The following SCN7A variants were observed in gnomAD, a reference collection of about 807,000 sequenced individuals.
SCN7A encodes sodium voltage-gated channel alpha subunit 7.
A neutral mutation model predicts 155.2 loss-of-function variants in SCN7A; 138 were observed. The ratio of observed to expected loss-of-function variants is 0.89; its 90% CI spans 0.77 to 1.02. The LOEUF (loss-of-function observed/expected upper bound fraction) is 1.02. Ranked by LOEUF, SCN7A falls within the 50% of genes least tolerant of loss-of-function variation. The pLI is 0.00. For synonymous variants in SCN7A, 693 were observed against 649.0 expected, an observed-to-expected ratio of 1.07 and a Z score of -1.03; for missense variants, 2,058 against 1,986.6, an observed-to-expected ratio of 1.04 and a Z score of -0.68.
At chr2:166,476,189 T>C (rs559684739) in intron 3 of SCN7A, among the ~76,000 whole-genome samples, 1 of 152,062 alleles carries the variant, frequency 6.6e-6, no homozygotes, top group South Asian at 2.1e-4. Flanking sequence ...CCCGAGATAC[T>C]GCAGTCATTT....
chr2:166,427,822 A>G lies in SCN7A; in HGVS notation c.2819T>C (p.Ile940Thr), dbSNP rs1388562805. The G allele has an allele frequency of 6.2e-7, 1 of 1,611,768 alleles. No homozygotes were observed. Among genetic ancestry groups the G allele is most frequent in the Non-Finnish European group, 8.5e-7 (1 of 1,178,828 alleles). The change falls in exon 18 of 26, where the codon ATT (isoleucine) becomes ACT (threonine). Residue 940 changes from isoleucine to threonine, a missense_variant. Physicochemically the swap from Ile to Thr is moderately conservative, Grantham distance 89. Transcript: ENST00000643258. ...IVENNWFKCF[I>T]GLVTLLSTGT... ...AGTGCTGAGCAGAGTAACAAGCCCA[A>G]TAAAACACTTAAACCAATTGTTCTC...
chr2:166,416,309 G>A (rs1701375332), intron 21 of SCN7A, among the ~76,000 whole-genome samples: 1 of 152,056 alleles, frequency 6.6e-6, no homozygotes, highest in Non-Finnish European at 1.5e-5. Flanking sequence ...TCTTTGTTCT[G>A]CTTTTTGCCC....
rs189638185 is a variant in SCN7A at position 166,476,824 on chromosome 2, A to C, written c.234+639T>G. On this transcript the variant is annotated intron_variant, in intron 3 of 25. Transcript: ENST00000643258. ...TACACATAGGTCTTCTCTTTCCCTTATTAAAACTTTGAAGTGCTCTTTAAG... is the reference window on the plus strand; with the variant it reads ...TACACATAGGTCTTCTCTTTCCCTTCTTAAAACTTTGAAGTGCTCTTTAAG... 2.0e-5 allele frequency among the ~76,000 whole-genome samples: 3 copies of C among 152,040 alleles called. No individual in the cohort carries two copies. In the East Asian group the frequency reaches 5.8e-4, roughly 29 times the overall value.
intron 19 of SCN7A, 27 bp from the exon 20 acceptor site, chr2:166,421,324 G>A: frequency 8.0e-7 from 1 of 1,247,286 alleles, no homozygotes; most frequent in Non-Finnish European, 1.1e-6. Context: ...AAAAAAGAGT[G>A]AATAGGATTC....
chr2:166,473,544 G>A (rs1015675052), intron 5 of SCN7A, among the ~76,000 whole-genome samples: 1 of 151,458 alleles, frequency 6.6e-6, no homozygotes, highest in African/African-American at 2.4e-5. Flanking sequence ...AGAACAGAAA[G>A]GGAGAAAGTG....
intron 17 of SCN7A, among the ~76,000 whole-genome samples, chr2:166,428,257 T>C (rs1238433987): frequency 6.6e-6 from 1 of 151,976 alleles, no homozygotes; most frequent in East Asian, 1.9e-4. Flanking sequence ...CAAAAGAAAA[T>C]ACACACAAAT....
chr2:166,429,310 A>C (rs1213723770), intron 16 of SCN7A, 36 bp from the exon 17 acceptor site: 3 of 1,341,240 alleles, frequency 2.2e-6, no homozygotes, highest in Non-Finnish European at 1.0e-6. Context: ...AGTTGTGATT[A>C]AAGTTTCATT....
intron 2 of SCN7A, among the ~76,000 whole-genome samples, chr2:166,480,607 T>C (rs1056661185): frequency 9.9e-5 from 15 of 152,192 alleles, no homozygotes; most frequent in Non-Finnish European, 2.2e-4. Flanking sequence ...TGATAAAATA[T>C]AGTGATGCTC....
Position 166,465,891 on chromosome 2 carries a change from A to G in SCN7A, c.761T>C (p.Ile254Thr), listed in dbSNP as rs774864838. The stretch of plus-strand genomic sequence containing the variant: ...GTTGCCCATGAAGAGCCCCATCCCA[A>G]TTAGAGAAAATATGCTCAGAAAAAA... The part of the protein sequence containing the change: ...TLFFLSIFSL[I>T]GMGLFMGNLK... The change falls in exon 8 of 26, where the codon ATT (isoleucine) becomes ACT (threonine). Residue 254 changes from isoleucine to threonine, a missense_variant. Coordinates refer to ENST00000643258, the MANE Select transcript of SCN7A (RefSeq NM_002976.4). 18 of 1,613,900 alleles carry G rather than the reference A, an allele frequency of 1.1e-5. No individual in the cohort carries two copies. Among genetic ancestry groups the G allele is most frequent in the Non-Finnish European group, 5.1e-6 (6 of 1,179,834 alleles).
chr2:166,432,798 C>A, intron 15 of SCN7A, 46 bp from the exon 16 acceptor site: 1 of 1,369,350 alleles, frequency 7.3e-7, no homozygotes, highest in Non-Finnish European at 9.7e-7. Context: ...CATTTTGTTT[C>A]ATTTTAAGTA....
At chr2:166,463,783 C>A (rs1446364709) in intron 9 of SCN7A, among the ~76,000 whole-genome samples, 1 of 152,106 alleles carries the variant, frequency 6.6e-6, no homozygotes, top group Non-Finnish European at 1.5e-5. Context: ...GCGCAGGGTG[C>A]ATTGGTTCAT....
intron 11 of SCN7A, among the ~76,000 whole-genome samples, chr2:166,451,972 ATAT>A (rs1223170074): frequency 2.0e-5 from 3 of 152,162 alleles, no homozygotes; most frequent in African/African-American, 4.8e-5. Flanking sequence ...TTCAGATAAA[ATAT>A]TAAAAATATA....
At position 166,457,273 on chromosome 2, in the gene SCN7A, A is replaced by C. The variant is rs376879690; in HGVS notation, c.1084-197T>G. Among the ~76,000 whole-genome samples the C allele has an allele frequency of 1.6e-4, 24 of 152,326 alleles. No individual in the cohort carries two copies. The East Asian group carries it at 4.2e-3, about 27-fold the overall frequency. On this transcript the variant is annotated intron_variant, in intron 10 of 25. Coordinates refer to ENST00000643258, the MANE Select transcript of SCN7A (RefSeq NM_002976.4). ...CTTTTGAACTTGAGACCTGCATGTA[A>C]GGTATACAATATATGCTGTAAAACC...
At chr2:166,422,499 T>A (rs558720917) in intron 19 of SCN7A, among the ~76,000 whole-genome samples, 1 of 152,212 alleles carries the variant, frequency 6.6e-6, no homozygotes, top group African/African-American at 2.4e-5. Context: ...GGCTAAGGCA[T>A]CAATGCCAGC....
Position 166,457,008 on chromosome 2 carries a change from A to G in SCN7A, c.1152T>C (p.Tyr384=). ...GTATGCCTAAGAACAAACTTGCCAT[A>G]TAAAAGGAAAACAAAAAACTTACCA... ...FVVVSFLFSF[Y]MASLFLGILA... The change falls in exon 11 of 26, where the codon TAT becomes TAC. Residue 384 remains tyrosine (Y), a synonymous_variant. Coordinates refer to ENST00000643258, the MANE Select transcript of SCN7A (RefSeq NM_002976.4). The G allele has an allele frequency of 6.2e-7, 1 of 1,610,962 alleles. No homozygotes were observed. The highest frequency in any genetic ancestry group is 8.5e-7 in the Non-Finnish European group (1 of 1,178,788).
Position 166,470,676 on chromosome 2 carries a change from G to A in SCN7A, c.603C>T (p.Phe201=), listed in dbSNP as rs1203374345. ...TTCTTGCAGTTTGAAGCGTTGGAATGAAGTCCAGAGGTGAGTATCTTATAA... is the reference window on the plus strand; with the variant it reads ...TTCTTGCAGTTTGAAGCGTTGGAATAAAGTCCAGAGGTGAGTATCTTATAA... ...EVIIRYSPLD[F]IPTLQTARTL... Residue 201 remains phenylalanine (F), a synonymous_variant, in exon 7 of 26, where the codon TTC becomes TTT. Transcript: ENST00000643258. 6.2e-7 allele frequency: 1 copy of A among 1,609,218 alleles called. No homozygotes were observed. Among genetic ancestry groups the A allele is most frequent in the South Asian group, 1.1e-5 (1 of 90,758 alleles).
chr2:166,474,676 C>A (rs944187217), intron 3 of SCN7A, among the ~76,000 whole-genome samples: 1 of 151,392 alleles, frequency 6.6e-6, no homozygotes, highest in African/African-American at 2.4e-5. Context: ...TCACGAAGAT[C>A]CATTTAAAAA....
At chr2:166,418,462 T>G (rs1053518705) in intron 20 of SCN7A, among the ~76,000 whole-genome samples, 1 of 151,440 alleles carries the variant, frequency 6.6e-6, no homozygotes, top group African/African-American at 2.4e-5. Context: ...GATTTCCCTC[T>G]CCTGACCTTC....
chr2:166,461,048 C>CTTTTTTTTT (rs34717897), intron 10 of SCN7A, among the ~76,000 whole-genome samples: 1 of 96,704 alleles, frequency 1.0e-5, no homozygotes, highest in Admixed American at 1.2e-4. Context: ...GTAATATTTT[C>CTTTTTTTTT]TTTTTTTTTT....
Sources: gnomAD v4.1 joint callset for allele counts (sites outside exome capture counted in the v4.1 genomes callset) on GRCh38, gnomAD v4.1.1 for gene constraint, MANE v1.5 for transcripts, NCBI Gene and HGNC (gene_info 2026-07-23, HGNC 2026-07-21) for gene names.